Variants in PTPRZ1 observed in about 807,000 individuals in gnomAD.
PTPRZ1 encodes receptor-type tyrosine-protein phosphatase zeta.
In PTPRZ1, 82 loss-of-function variants were observed where a neutral mutation model predicts 214.1. The observed-to-expected ratio is 0.38, with a 90% confidence interval of 0.32 to 0.46. The LOEUF (loss-of-function observed/expected upper bound fraction) is 0.46, where lower values mean the gene tolerates loss of function less well. Ranked by LOEUF, PTPRZ1 falls within the 20% of genes least tolerant of loss-of-function variation. The probability of loss-of-function intolerance (pLI) is 1.00; values close to 1 mark genes in which losing one functional copy is unlikely to be tolerated. For missense variants in PTPRZ1, 2,603 were observed against 2,748.7 expected, an observed-to-expected ratio of 0.95 and a Z score of 1.19; for synonymous variants, 945 against 987.9, an observed-to-expected ratio of 0.96 and a Z score of 0.81.
chr7:122,005,667 C>CAT (rs1438982230), intron 11 of PTPRZ1, among the ~76,000 whole-genome samples: 1 of 151,904 alleles, frequency 6.6e-6, no homozygotes, highest in African/African-American at 2.4e-5. Flanking sequence ...TATACACACA[C>CAT]ATACAAGCGA....
intron 2 of PTPRZ1, among the ~76,000 whole-genome samples, chr7:121,955,302 G>A (rs1796669890): frequency 6.6e-6 from 1 of 152,218 alleles, no homozygotes; most frequent in Admixed American, 6.5e-5. Context: ...TAGCTCATCA[G>A]TTATTGAAGA....
intron 4 of PTPRZ1, among the ~76,000 whole-genome samples, chr7:121,975,630 G>A (rs930063108): frequency 6.6e-6 from 1 of 152,196 alleles, no homozygotes; most frequent in African/African-American, 2.4e-5. Flanking sequence ...GACAGGAGAA[G>A]CACCAAATTA....
chr7:121,945,073 A>T (rs1171535742), intron 2 of PTPRZ1, among the ~76,000 whole-genome samples: 4 of 152,184 alleles, frequency 2.6e-5, no homozygotes, highest in African/African-American at 9.7e-5. Flanking sequence ...CTAGCAGAGG[A>T]TTTATTTGAA....
intron 13 of PTPRZ1, among the ~76,000 whole-genome samples, chr7:122,019,489 C>T (rs938243594): frequency 6.6e-6 from 1 of 152,116 alleles, no homozygotes; most frequent in African/African-American, 2.4e-5. Context: ...TTACCCGTTA[C>T]TATTTAACAC....
At chr7:121,947,025 A>ATTAT (rs1050327117) in intron 2 of PTPRZ1, among the ~76,000 whole-genome samples, 1 of 152,156 alleles carries the variant, frequency 6.6e-6, no homozygotes, top group Non-Finnish European at 1.5e-5. Context: ...CCTAAAGGTT[A>ATTAT]TTATATTGGC....
intron 2 of PTPRZ1, among the ~76,000 whole-genome samples, chr7:121,964,948 G>T (rs1364029062): frequency 1.3e-5 from 2 of 152,180 alleles, no homozygotes; most frequent in South Asian, 4.1e-4. Flanking sequence ...GGAGCAGAGA[G>T]GACATGAGCG....
In PTPRZ1 at chr7:121,935,540, T is replaced by G. The variant is rs888504494; in HGVS notation, c.124+7319T>G. Among the ~76,000 whole-genome samples the G allele has an allele frequency of 7.2e-4, 93 of 129,310 alleles. 2 individuals are homozygous for G. In the South Asian group the frequency reaches 0.02, roughly 28 times the overall value. 84.8% of individuals were successfully genotyped at this position (129,310 alleles called of 152,430 possible). A position where few individuals can be genotyped will look rare whatever the true frequency, so the allele number is the denominator to read the frequency against. ...TTGTTTTTGTTTTTGTTTTTTGGGG[T>G]TTTTTTTGTTTGTTTGTTTGTTTGT... On this transcript the variant is annotated intron_variant, in intron 2 of 29. Coordinates refer to ENST00000393386, the MANE Select transcript of PTPRZ1 (RefSeq NM_002851.3).
intron 3 of PTPRZ1, among the ~76,000 whole-genome samples, chr7:121,970,553 T>C (rs1797206919): frequency 6.6e-6 from 1 of 152,236 alleles, no homozygotes; most frequent in Non-Finnish European, 1.5e-5. Flanking sequence ...TGATGGCCAG[T>C]GATGGTGAGC....
chr7:121,968,055 C>A lies in PTPRZ1; in HGVS notation c.229C>A (p.Leu77Ile), dbSNP rs761886073. The change falls in exon 3 of 30, where the codon CTT becomes ATT. Residue 77 changes from leucine to isoleucine, a missense_variant. Leu to Ile is a conservative substitution (Grantham distance 5). Transcript: ENST00000393386. ...AGATCTTACACAAGTAAATGTGAAT[C>A]TTAAGAAACTTAAATTTCAGGGTTG... ...DEDLTQVNVN[L>I]KKLKFQGWDK... 8.1e-5 allele frequency: 130 copies of A among 1,602,238 alleles called. No homozygotes were observed. Among genetic ancestry groups the A allele is most frequent in the Non-Finnish European group, 9.7e-5 (114 of 1,171,390 alleles).
chr7:121,928,526 G>A (rs548795590), intron 2 of PTPRZ1, among the ~76,000 whole-genome samples: 51 of 152,152 alleles, frequency 3.4e-4, no homozygotes, highest in African/African-American at 1.1e-3. Context: ...GGTGAAATGG[G>A]GGGCTGTTCT....
intron 2 of PTPRZ1, among the ~76,000 whole-genome samples, chr7:121,930,710 G>A (rs1795894584): frequency 1.3e-5 from 2 of 152,020 alleles, no homozygotes; most frequent in Non-Finnish European, 2.9e-5. Flanking sequence ...TTGGGTATAT[G>A]TTTATTAAAT....
chr7:121,933,405 A>T (rs1236579893), intron 2 of PTPRZ1, among the ~76,000 whole-genome samples: 1 of 152,066 alleles, frequency 6.6e-6, no homozygotes, highest in East Asian at 1.9e-4. Flanking sequence ...TTTTTCACCA[A>T]TCTTTAAAGC....
chr7:121,997,991 C>T lies in PTPRZ1; in HGVS notation c.1225C>T (p.Pro409Ser), dbSNP rs1798198077. 6.2e-7 allele frequency: 1 copy of T among 1,612,550 alleles called. No individual in the cohort carries two copies. Among genetic ancestry groups the T allele is most frequent in the Admixed American group, 1.7e-5 (1 of 59,816 alleles). Residue 409 changes from proline to serine, a missense_variant, in exon 10 of 30, where the codon CCT (proline) becomes TCT (serine). Transcript: ENST00000393386. ...CAGCGACCAACTGATTGTCGACATG[C>T]CTACTGATAATCCTGGTAAGTGCCA... ...KYSDQLIVDM[P>S]TDNPELDLFP...
intron 1 of PTPRZ1, among the ~76,000 whole-genome samples, chr7:121,881,586 C>T (rs1236879557): frequency 6.6e-6 from 1 of 152,146 alleles, no homozygotes; most frequent in East Asian, 1.9e-4. Flanking sequence ...CTTATGCTGT[C>T]CTAAAACAAA....
chr7:121,972,765 A>T, intron 4 of PTPRZ1, 73 bp downstream of exon 4: 2 of 1,186,356 alleles, frequency 1.7e-6, no homozygotes, highest in Non-Finnish European at 2.3e-6. Flanking sequence ...ATATAATTTG[A>T]TTAATTTTAA....
intron 2 of PTPRZ1, among the ~76,000 whole-genome samples, chr7:121,929,167 A>AT (rs397713542): frequency 6.6e-6 from 1 of 151,162 alleles, no homozygotes; most frequent in Non-Finnish European, 1.5e-5. Context: ...AAAACATAAA[A>AT]TCATTATTTT....
intron 2 of PTPRZ1, among the ~76,000 whole-genome samples, chr7:121,931,255 C>T (rs931851005): frequency 1.3e-4 from 20 of 152,180 alleles, no homozygotes; most frequent in Non-Finnish European, 2.5e-4. Flanking sequence ...GCTTTAAAAA[C>T]GTGATACATA....
At chr7:121,936,566 A>C (rs1796090743) in intron 2 of PTPRZ1, among the ~76,000 whole-genome samples, 1 of 152,238 alleles carries the variant, frequency 6.6e-6, no homozygotes, top group African/African-American at 2.4e-5. Context: ...GAGGTTCAGT[A>C]TGTGCAAAAT....
intron 1 of PTPRZ1, among the ~76,000 whole-genome samples, chr7:121,884,369 T>C (rs1186097441): frequency 1.3e-5 from 2 of 152,194 alleles, no homozygotes; most frequent in East Asian, 1.9e-4. Context: ...TGCATATATA[T>C]ACACAAATGC....
Sources: gnomAD v4.1 joint callset for allele counts (sites outside exome capture counted in the v4.1 genomes callset) on GRCh38, gnomAD v4.1.1 for gene constraint, MANE v1.5 for transcripts, NCBI Gene and HGNC (gene_info 2026-07-23, HGNC 2026-07-21) for gene names.